BTAF1: variants seen among roughly 807,000 people sequenced by gnomAD.
BTAF1 encodes the protein B-TFIID TATA-box binding protein associated factor 1, also known as TATA-binding protein-associated factor 172.
A neutral mutation model predicts 227.1 loss-of-function variants in BTAF1; 38 were observed. The ratio of observed to expected loss-of-function variants is 0.17; its 90% CI spans 0.13 to 0.22. The LOEUF is 0.22. Ranked by LOEUF, BTAF1 falls within the 10% of genes least tolerant of loss-of-function variation. The probability of loss-of-function intolerance (pLI) is 1.00; values close to 1 mark genes in which losing one functional copy is unlikely to be tolerated. For synonymous variants in BTAF1, 742 were observed against 751.9 expected (o/e 0.99, Z 0.21); for missense variants, 1,598 against 2,204.0 (o/e 0.73, Z 5.51).
chr10:91,958,574 C>G (rs916238973), intron 8 of BTAF1, among the ~76,000 whole-genome samples: 1 of 151,934 alleles, frequency 6.6e-6, no homozygotes, highest in Non-Finnish European at 1.5e-5. Flanking sequence ...TGGTGGCGGG[C>G]GCCTGAAATC....
chr10:92,028,105 A>T (rs1851650294), intron 37 of BTAF1, among the ~76,000 whole-genome samples: 1 of 152,198 alleles, frequency 6.6e-6, no homozygotes, highest in Admixed American at 6.5e-5. Context: ...TCATATTGAA[A>T]GTCAAGATAA....
intron 11 of BTAF1, among the ~76,000 whole-genome samples, chr10:91,961,228 C>A (rs1846487524): frequency 6.6e-6 from 1 of 152,112 alleles, no homozygotes; most frequent in South Asian, 2.1e-4. Context: ...AGACCAGGAC[C>A]TTTTCTTACC....
intron 12 of BTAF1, 31 bp downstream of exon 12, chr10:91,962,709 A>G (rs770422846): frequency 2.0e-6 from 3 of 1,535,990 alleles, no homozygotes; most frequent in Admixed American, 4.3e-5. Context: ...GTTTCTTACT[A>G]TAGAGCTTGT....
At chr10:91,961,659 A>G (rs758713650) in intron 11 of BTAF1, among the ~76,000 whole-genome samples, 3 of 152,180 alleles carry the variant, frequency 2.0e-5, no homozygotes, top group African/African-American at 2.4e-5. Context: ...GCCTCTGTAG[A>G]TAACAGTAGA....
intron 14 of BTAF1, among the ~76,000 whole-genome samples, chr10:91,976,520 A>C (rs1847705816): frequency 6.6e-6 from 1 of 152,170 alleles, no homozygotes; most frequent in Non-Finnish European, 1.5e-5. Flanking sequence ...GGGGCCTCCC[A>C]AGAGTCACTT....
intron 6 of BTAF1, among the ~76,000 whole-genome samples, chr10:91,955,562 C>G (rs1846035886): frequency 6.6e-6 from 1 of 152,012 alleles, no homozygotes; most frequent in African/African-American, 2.4e-5. Flanking sequence ...ATAGGAAGGT[C>G]TAGGAGGGCT....
intron 25 of BTAF1, among the ~76,000 whole-genome samples, chr10:92,000,351 A>AGAT (rs1459926453): frequency 5.9e-5 from 9 of 152,202 alleles, no homozygotes; most frequent in African/African-American, 2.2e-4. Context: ...TAAACAAAGG[A>AGAT]GATGATGACC....
Position 91,982,346 on chromosome 10 carries a change from T to C in BTAF1, c.2048+121T>C, listed in dbSNP as rs1266967025. On this transcript the variant is annotated intron_variant, in intron 17 of 37. Coordinates refer to ENST00000265990, the MANE Select transcript of BTAF1 (RefSeq NM_003972.3). ...GTCCTTCCTTCCTTCATCACACTAA[T>C]TATAGCCTAAGGAAAAATTAGAGTA... The C allele has an allele frequency of 3.7e-6, 5 of 1,368,884 alleles. No individual in the cohort carries two copies. The Admixed American group carries it at 9.6e-5, about 26-fold the overall frequency. The allele number at this position is 1,368,884 out of a possible 1,614,324, so 84.8% of individuals were successfully genotyped here. A position where few individuals can be genotyped will look rare whatever the true frequency, so the allele number is the denominator to read the frequency against.
intron 14 of BTAF1, among the ~76,000 whole-genome samples, chr10:91,975,115 G>C (rs145574376): frequency 1.2e-4 from 19 of 152,142 alleles, no homozygotes; most frequent in African/African-American, 4.3e-4. Context: ...TCCTAGACAT[G>C]AATCTCCTAT....
At chr10:92,006,197 A>T (rs754967384) in intron 25 of BTAF1, among the ~76,000 whole-genome samples, 2 of 152,152 alleles carry the variant, frequency 1.3e-5, no homozygotes, top group Non-Finnish European at 2.9e-5. Flanking sequence ...CTGTTGCAAT[A>T]TGTTGTTTTG....
At chr10:91,924,579 A>G (rs1843699494) in intron 1 of BTAF1, among the ~76,000 whole-genome samples, 1 of 152,204 alleles carries the variant, frequency 6.6e-6, no homozygotes, top group Admixed American at 6.5e-5. Context: ...TTTAAAATTA[A>G]GTATAATTTC....
chr10:92,000,079 CTATATG>C (rs913383994), intron 25 of BTAF1, among the ~76,000 whole-genome samples: 5 of 151,996 alleles, frequency 3.3e-5, no homozygotes, highest in Non-Finnish European at 5.9e-5. Context: ...GATTATTTCT[CTATATG>C]TATATTTTAC....
chr10:91,927,169 G>A (rs575721521), intron 1 of BTAF1, among the ~76,000 whole-genome samples: 4 of 148,132 alleles, frequency 2.7e-5, no homozygotes, highest in African/African-American at 1.0e-4. Flanking sequence ...ACAGAGTTTT[G>A]CTCTTGTTGC....
Position 92,010,672 on chromosome 10 carries a change from CA to C in BTAF1, c.4104-399del, listed in dbSNP as rs1349581440. On this transcript the variant is annotated intron_variant, in intron 28 of 37. Coordinates refer to ENST00000265990, the MANE Select transcript of BTAF1 (RefSeq NM_003972.3). ...CCTTGTTTGGGTCATGCTCCCAAAACAACCTTTGTGGTTAGGGGATTAAGTA... is the reference window on the plus strand; with the variant it reads ...CCTTGTTTGGGTCATGCTCCCAAAACACCTTTGTGGTTAGGGGATTAAGTA... Among the ~76,000 whole-genome samples the C allele has an allele frequency of 1.3e-5, 2 of 152,148 alleles. 1 individual carries two copies. The highest frequency in any genetic ancestry group is 1.3e-4 in the Admixed American group (2 of 15,284).
intron 14 of BTAF1, among the ~76,000 whole-genome samples, chr10:91,972,095 G>A (rs1847345456): frequency 6.6e-6 from 1 of 152,110 alleles, no homozygotes; most frequent in Non-Finnish European, 1.5e-5. Flanking sequence ...TTTCTAAAAG[G>A]AAAGAATTTA....
At chr10:92,004,223 T>C (rs527737744) in intron 25 of BTAF1, among the ~76,000 whole-genome samples, 1 of 152,214 alleles carries the variant, frequency 6.6e-6, no homozygotes, top group African/African-American at 2.4e-5. Flanking sequence ...TACAGAAAGC[T>C]TTTTAGTTTG....
Position 92,011,416 on chromosome 10 carries a change from GTAAT to G in BTAF1, c.4311+4_4311+7del. The G allele has an allele frequency of 7.8e-7, 1 of 1,288,814 alleles. No individual in the cohort carries two copies. 79.8% of individuals were successfully genotyped at this position (1,288,814 alleles called of 1,614,324 possible). On this transcript the variant is annotated splice_donor_variant and splice_donor_5th_base_variant and intron_variant, in intron 30 of 37. Coordinates refer to ENST00000265990, the MANE Select transcript of BTAF1 (RefSeq NM_003972.3). LOFTEE classifies it high-confidence loss of function. ...TATTCTTTCTGGAACACCAATCCAG[GTAAT>G]TATTTATTATTATTTTTTTTAATTA...
chr10:91,961,936 G>A (rs1189146836), intron 11 of BTAF1, among the ~76,000 whole-genome samples: 1 of 152,176 alleles, frequency 6.6e-6, no homozygotes, highest in Admixed American at 6.5e-5. Flanking sequence ...AGGGGTTTGT[G>A]TGTGTGTGTA....
chr10:91,993,029 C>A (rs532386017), intron 21 of BTAF1, among the ~76,000 whole-genome samples: 1 of 152,178 alleles, frequency 6.6e-6, no homozygotes, highest in South Asian at 2.1e-4. Context: ...AAAATATAAA[C>A]CCCTTTTAAG....
Sources: gnomAD v4.1 joint callset for allele counts (sites outside exome capture counted in the v4.1 genomes callset) on GRCh38, gnomAD v4.1.1 for gene constraint, MANE v1.5 for transcripts, NCBI Gene and HGNC (gene_info 2026-07-23, HGNC 2026-07-21) for gene names.